CYP4F11: variants seen among roughly 807,000 people sequenced by gnomAD.
The protein encoded by CYP4F11 is cytochrome P450 family 4 subfamily F member 11, also known as cytochrome P450 4F11.
A neutral mutation model predicts 62.2 loss-of-function variants in CYP4F11; 79 were observed. The ratio of observed to expected loss-of-function variants is 1.27; its 90% CI spans 1.06 to 1.53. The LOEUF (loss-of-function observed/expected upper bound fraction) is 1.53. Among genes scored for constraint, CYP4F11 ranks in the 40% most tolerant of loss-of-function variants. CYP4F11 has a pLI of 0.00. For missense variants in CYP4F11, 777 were observed against 680.5 expected (o/e 1.14, Z -1.58); for synonymous variants, 290 against 263.7 (o/e 1.10, Z -0.97).
At chr19:15,921,360 C>A (rs2089627545) in intron 8 of CYP4F11, among the ~76,000 whole-genome samples, 1 of 152,240 alleles carries the variant, frequency 6.6e-6, no homozygotes, top group Non-Finnish European at 1.5e-5. Context: ...GTGCCAGCCA[C>A]TGTGGCCGGG....
At chr19:15,931,563 AGGAGAG>A (rs1568257345) in intron 1 of CYP4F11, among the ~76,000 whole-genome samples, 1 of 92,348 alleles carries the variant, frequency 1.1e-5, no homozygotes, top group African/African-American at 4.2e-5. Flanking sequence ...TGAGTGAGCG[AGGAGAG>A]GAATGAGTGA....
intron 8 of CYP4F11, among the ~76,000 whole-genome samples, chr19:15,919,204 ACTC>A (rs1257489921): frequency 1.4e-5 from 2 of 147,982 alleles, no homozygotes; most frequent in Non-Finnish European, 3.0e-5. Flanking sequence ...CATTTCATTG[ACTC>A]CTAATTATTA....
At chr19:15,917,361 C>T (rs949074162) in intron 8 of CYP4F11, among the ~76,000 whole-genome samples, 3 of 151,942 alleles carry the variant, frequency 2.0e-5, no homozygotes, top group Admixed American at 6.6e-5. Flanking sequence ...ATCCATGTAA[C>T]CAAAAACCAC....
intron 8 of CYP4F11, among the ~76,000 whole-genome samples, chr19:15,916,440 T>G (rs143817800): frequency 3.9e-5 from 6 of 152,184 alleles, no homozygotes; most frequent in African/African-American, 1.4e-4. Flanking sequence ...CTAATTAAAC[T>G]AAAAAGCTTC....
At chr19:15,914,262 C>A in intron 11 of CYP4F11, 43 bp downstream of exon 11, 1 of 1,598,418 alleles carries the variant, frequency 6.3e-7, no homozygotes, top group African/African-American at 1.3e-5. Flanking sequence ...TGGACCCCTG[C>A]ACCCATCATG....
chr19:15,930,706 G>A (rs2089706806), intron 1 of CYP4F11, among the ~76,000 whole-genome samples: 1 of 152,200 alleles, frequency 6.6e-6, no homozygotes, highest in African/African-American at 2.4e-5. Flanking sequence ...TCAACCTGGG[G>A]ATGGCCACAT....
rs1050795009 is a variant in CYP4F11, at chr19:15,925,271, C to T, written c.526-389G>A. On this transcript the variant is annotated intron_variant, in intron 4 of 11. Transcript: ENST00000402119. ...CACTTACTATCTGGTTGAACTTTGGCAAACTCCCTAATCTCTCTGGACCTC... is the reference window on the plus strand; with the variant it reads ...CACTTACTATCTGGTTGAACTTTGGTAAACTCCCTAATCTCTCTGGACCTC... 7.9e-5 allele frequency among the ~76,000 whole-genome samples: 12 copies of T among 152,234 alleles called. No homozygotes were observed. The East Asian group carries it at 2.3e-3, about 29-fold the overall frequency.
intron 8 of CYP4F11, 144 bp from the exon 9 acceptor site, chr19:15,915,039 AAAAATTAGAAAAGCAG>A (rs1433394236): frequency 1.1e-5 from 15 of 1,375,888 alleles, no homozygotes; most frequent in African/African-American, 5.9e-5. Context: ...AAAAGCAGAA[AAAAATTAGAAAAGCAG>A]AAAATTAGAA....
chr19:15,918,233 C>G lies in CYP4F11; in HGVS notation c.1116-3338G>C, dbSNP rs575783576. On this transcript the variant is annotated intron_variant, in intron 8 of 11. Coordinates refer to ENST00000402119, the MANE Select transcript of CYP4F11 (RefSeq NM_021187.4). ...TCCTCACTTACAAGTGGGAGCCGAA[C>G]AAGGGAAACTCATGGACACATGGTG... Among the ~76,000 whole-genome samples the G allele has an allele frequency of 2.6e-5, 4 of 152,100 alleles. No individual in the cohort carries two copies. The South Asian group carries it at 6.2e-4, about 24-fold the overall frequency.
At chr19:15,928,668 G>A (rs976465634) in intron 2 of CYP4F11, among the ~76,000 whole-genome samples, 1 of 152,178 alleles carries the variant, frequency 6.6e-6, no homozygotes, top group Non-Finnish European at 1.5e-5. Flanking sequence ...TCAGCATCCT[G>A]AGGTTATAGC....
chr19:15,934,005 C>CAGAGGAATGAGTGAGCGGGG (rs1491583544), intron 1 of CYP4F11, among the ~76,000 whole-genome samples: 6 of 37,982 alleles, frequency 1.6e-4, no homozygotes, highest in Admixed American at 5.9e-4. Flanking sequence ...AGTGAGTGGG[C>CAGAGGAATGAGTGAGCGGGG]AGAGGAATGA....
intron 8 of CYP4F11, 51 bp from the exon 9 acceptor site, chr19:15,914,946 T>C: frequency 6.3e-7 from 1 of 1,593,520 alleles, no homozygotes; most frequent in Non-Finnish European, 8.5e-7. Flanking sequence ...AAGACACAAT[T>C]CTCCAGCTTC....
intron 4 of CYP4F11, among the ~76,000 whole-genome samples, chr19:15,926,415 T>G (rs745983850): frequency 1.3e-5 from 2 of 152,200 alleles, no homozygotes; most frequent in Non-Finnish European, 2.9e-5. Flanking sequence ...CTTATCAGCT[T>G]GCAATTAAGA....
At position 15,934,295 on chromosome 19, in the gene CYP4F11, G is replaced by T. The variant is rs750210698; in HGVS notation, c.114C>A (p.Thr38=). The change falls in exon 1 of 12, where the codon ACC becomes ACA. Residue 38 remains threonine (T), a synonymous_variant. Coordinates refer to ENST00000402119, the MANE Select transcript of CYP4F11 (RefSeq NM_021187.4). ...SWLLARVLAW[T]YTFYDNCRRL... ...GGCGGCAGTTGTCATAGAAGGTGTA[G>T]GTCCAGGCCAGGACGCGGGCCAGGA... 2 of 1,613,822 alleles carry T rather than the reference G, an allele frequency of 1.2e-6. No homozygotes were observed. The highest frequency in any genetic ancestry group is 1.1e-5 in the South Asian group (1 of 91,084).
intron 6 of CYP4F11, 96 bp from the exon 7 acceptor site, chr19:15,922,526 C>T (rs1476357220): frequency 3.0e-6 from 4 of 1,337,058 alleles, no homozygotes; most frequent in Non-Finnish European, 4.3e-6. Flanking sequence ...ATCCATCCTC[C>T]TTCCAGAAAC....
At chr19:15,923,740 C>T in intron 6 of CYP4F11, 72 bp downstream of exon 6, 4 of 1,549,028 alleles carry the variant, frequency 2.6e-6, no homozygotes, top group Non-Finnish European at 3.5e-6. Context: ...TGGATCAAGT[C>T]CAAGTTCTTT....
intron 2 of CYP4F11, among the ~76,000 whole-genome samples, chr19:15,929,005 A>AC (rs1484132081): frequency 1.3e-5 from 2 of 151,982 alleles, no homozygotes; most frequent in East Asian, 3.9e-4. Context: ...CCACTGCATC[A>AC]CCCTTCCCCT....
At chr19:15,917,183 A>G (rs1599370988) in intron 8 of CYP4F11, among the ~76,000 whole-genome samples, 1 of 152,210 alleles carries the variant, frequency 6.6e-6, no homozygotes, top group Non-Finnish European at 1.5e-5. Flanking sequence ...AAAAAACCAA[A>G]TATCATATAG....
intron 1 of CYP4F11, among the ~76,000 whole-genome samples, chr19:15,931,068 G>C (rs1015644995): frequency 7.9e-5 from 12 of 152,200 alleles, no homozygotes; most frequent in Non-Finnish European, 1.5e-4. Context: ...GCGGAGTCAA[G>C]GACAGCTTCT....
Sources: gnomAD v4.1 joint callset for allele counts (sites outside exome capture counted in the v4.1 genomes callset) on GRCh38, gnomAD v4.1.1 for gene constraint, MANE v1.5 for transcripts, NCBI Gene and HGNC (gene_info 2026-07-23, HGNC 2026-07-21) for gene names.